Variants in EML6 observed in about 807,000 individuals in gnomAD.
EML6 encodes echinoderm microtubule-associated protein-like 6.
In EML6, 154 loss-of-function variants were observed where a neutral mutation model predicts 240.1. That is an observed-to-expected ratio of 0.64 (90% confidence interval 0.56 to 0.73). EML6 has a LOEUF of 0.73. Ranked by LOEUF, EML6 falls within the 30% of genes least tolerant of loss-of-function variation. EML6 has a pLI of 0.00. For missense variants in EML6, 2,964 were observed against 2,474.6 expected, an observed-to-expected ratio of 1.20 and a Z score of -4.20; for synonymous variants, 1,148 against 899.0, an observed-to-expected ratio of 1.28 and a Z score of -4.95.
chr2:54,883,942 C>G (rs757697425), intron 17 of EML6, among the ~76,000 whole-genome samples: 2 of 152,172 alleles, frequency 1.3e-5, no homozygotes, highest in Non-Finnish European at 2.9e-5. Flanking sequence ...AGCTCTCACC[C>G]AAACTCAAAG....
chr2:54,882,886 G>T (rs1321112647), intron 17 of EML6: 1 of 66,156 alleles, frequency 1.5e-5, no homozygotes, highest in African/African-American at 4.5e-5. Context: ...AAAGCTTAGG[G>T]ACACACTAAG....
At position 54,727,562 on chromosome 2, in the gene EML6, C is replaced by T. The variant is rs557014447; in HGVS notation, c.197+2304C>T. 7.9e-5 allele frequency among the ~76,000 whole-genome samples: 12 copies of T among 152,238 alleles called. No homozygotes were observed. In the East Asian group the frequency reaches 1.3e-3, roughly 17 times the overall value. On this transcript the variant is annotated intron_variant, in intron 2 of 41. Transcript: ENST00000356458. ...AATTTTAATTCGTTTCTGTGTATCC[C>T]GGTTACTACTATTCTTCCACCTGAA... is the stretch of plus-strand genomic sequence containing the variant.
chr2:54,811,330 A>G (rs1667831687), intron 2 of EML6, among the ~76,000 whole-genome samples: 1 of 152,136 alleles, frequency 6.6e-6, no homozygotes, highest in Admixed American at 6.5e-5. Context: ...TGCCTGACCC[A>G]TCTCATTTTC....
In EML6 at chr2:54,759,293, A is replaced by C. The variant is rs545479075; in HGVS notation, c.197+34035A>C. Among the ~76,000 whole-genome samples, 3 of 151,264 alleles carry C rather than the reference A, an allele frequency of 2.0e-5. No individual in the cohort carries two copies. In the South Asian group the frequency reaches 6.3e-4, roughly 32 times the overall value. ...GCTTTGACTGGTATTTCATGTAGCT[A>C]TCTTCAAAACTTGAGTTTAGGAATA... On this transcript the variant is annotated intron_variant, in intron 2 of 41. Transcript: ENST00000356458.
chr2:54,835,301 C>T (rs1669082772), intron 7 of EML6, among the ~76,000 whole-genome samples: 1 of 152,210 alleles, frequency 6.6e-6, no homozygotes, highest in Non-Finnish European at 1.5e-5. Context: ...TCTTTGTTCA[C>T]TGATGCCTCC....
At chr2:54,924,754 G>T (rs1210337166) in intron 26 of EML6, among the ~76,000 whole-genome samples, 5 of 152,018 alleles carry the variant, frequency 3.3e-5, no homozygotes, top group South Asian at 4.2e-4. Flanking sequence ...GTAGAGATGG[G>T]GTTTCGCCGT....
chr2:54,829,782 G>A (rs1431431036), intron 7 of EML6, among the ~76,000 whole-genome samples: 1 of 152,194 alleles, frequency 6.6e-6, no homozygotes, highest in Non-Finnish European at 1.5e-5. Context: ...CCATTAAAGT[G>A]AATGTACCCA....
chr2:54,885,248 C>T (rs931709921), intron 17 of EML6, among the ~76,000 whole-genome samples: 7 of 151,976 alleles, frequency 4.6e-5, no homozygotes, highest in Non-Finnish European at 8.8e-5. Flanking sequence ...AGTTTGAGAC[C>T]AGCCTGACCA....
At chr2:54,894,850 T>C (rs1573091473) in intron 19 of EML6, 65 bp from the exon 20 acceptor site, 2 of 1,120,684 alleles carry the variant, frequency 1.8e-6, no homozygotes, top group East Asian at 5.2e-5. Flanking sequence ...GGAATCCTCC[T>C]GGGGCCAAGT....
intron 13 of EML6, among the ~76,000 whole-genome samples, chr2:54,866,058 C>A (rs920272457): frequency 6.6e-6 from 1 of 152,086 alleles, no homozygotes; most frequent in Middle Eastern, 3.2e-3. Context: ...TTCTTCTGAC[C>A]TTTTACAAAT....
chr2:54,830,180 G>C (rs529187680), intron 7 of EML6, among the ~76,000 whole-genome samples: 2 of 152,146 alleles, frequency 1.3e-5, no homozygotes, highest in African/African-American at 2.4e-5. Context: ...CTCATGGTAG[G>C]CCTGTTACCT....
At chr2:54,727,687 G>A (rs354239) in intron 2 of EML6, among the ~76,000 whole-genome samples, 48,189 of 152,108 alleles carry the variant, frequency 0.32, 8,540 homozygotes, top group Non-Finnish European at 0.4. Context: ...ATCAAAACTT[G>A]TTCGTTTCTA....
At chr2:54,826,938 C>G (rs1286508071) in intron 5 of EML6, among the ~76,000 whole-genome samples, 1 of 152,052 alleles carries the variant, frequency 6.6e-6, no homozygotes, top group Admixed American at 6.6e-5. Flanking sequence ...TTTGGGAGGC[C>G]GAGGAGGGCA....
intron 24 of EML6, among the ~76,000 whole-genome samples, chr2:54,910,058 A>T (rs556035200): frequency 2.4e-4 from 36 of 152,308 alleles, no homozygotes; most frequent in African/African-American, 7.0e-4. Context: ...TGAATTATTT[A>T]TAGGTGAAAT....
At chr2:54,943,258 C>G (rs772856855) in intron 28 of EML6, among the ~76,000 whole-genome samples, 8 of 152,320 alleles carry the variant, frequency 5.3e-5, no homozygotes, top group African/African-American at 9.6e-5. Context: ...TCCCTCTCTT[C>G]TCAGAGGAAG....
At chr2:54,914,772 T>A (rs1192063911) in intron 25 of EML6, among the ~76,000 whole-genome samples, 1 of 149,554 alleles carries the variant, frequency 6.7e-6, no homozygotes, top group African/African-American at 2.4e-5. Context: ...TGGAAAATCT[T>A]TTTCAAAGAA....
chr2:54,952,187 A>G (rs950098535), intron 30 of EML6, among the ~76,000 whole-genome samples: 1 of 152,148 alleles, frequency 6.6e-6, no homozygotes, highest in Admixed American at 6.5e-5. Flanking sequence ...GTAAAGCATC[A>G]TCTCCAGGCC....
At chr2:54,779,592 T>G (rs1668756865) in intron 2 of EML6, among the ~76,000 whole-genome samples, 2 of 147,500 alleles carry the variant, frequency 1.4e-5, no homozygotes, top group African/African-American at 2.5e-5. Context: ...CCTGGTGTGG[T>G]AGCTTACACC....
At chr2:54,870,128 A>G (rs1458599745) in intron 15 of EML6, among the ~76,000 whole-genome samples, 3 of 152,226 alleles carry the variant, frequency 2.0e-5, no homozygotes, top group Non-Finnish European at 2.9e-5. Context: ...AATTCTAAGA[A>G]AACATTCTTG....
Sources: gnomAD v4.1 joint callset for allele counts (sites outside exome capture counted in the v4.1 genomes callset) on GRCh38, gnomAD v4.1.1 for gene constraint, MANE v1.5 for transcripts, NCBI Gene and HGNC (gene_info 2026-07-23, HGNC 2026-07-21) for gene names.